Variants in TBC1D9 observed in about 807,000 individuals in gnomAD.
The protein encoded by TBC1D9 is TBC1 domain family member 9A.
TBC1D9 carries 63 observed loss-of-function variants against 132.0 expected under a neutral mutation model. The ratio of observed to expected loss-of-function variants is 0.48; its 90% CI spans 0.39 to 0.59. The LOEUF (loss-of-function observed/expected upper bound fraction) is 0.59, where lower values mean the gene tolerates loss of function less well. Ranked by LOEUF, TBC1D9 falls within the 20% of genes least tolerant of loss-of-function variation. The pLI is 0.00. For synonymous variants in TBC1D9, 610 were observed against 609.9 expected (o/e 1.00, Z 0.00); for missense variants, 1,261 against 1,592.7 (o/e 0.79, Z 3.54).
At chr4:140,704,546 G>C (rs1738122470) in intron 1 of TBC1D9, among the ~76,000 whole-genome samples, 3 of 151,982 alleles carry the variant, frequency 2.0e-5, no homozygotes, top group Admixed American at 2.0e-4. Flanking sequence ...TAATTGACTG[G>C]GCAGGGCAGA....
Position 140,706,570 on chromosome 4 carries a change from A to G in TBC1D9, c.131-4956T>C, listed in dbSNP as rs971609962. Among the ~76,000 whole-genome samples, 10 of 152,002 alleles carry G rather than the reference A, an allele frequency of 6.6e-5. No individual in the cohort carries two copies. Among genetic ancestry groups the G allele is most frequent in the African/African-American group, 2.4e-4 (10 of 41,390 alleles). On this transcript the variant is annotated intron_variant, in intron 1 of 20. Transcript: ENST00000442267. The surrounding 1 kb of genome is among the most constrained non-coding windows in gnomAD (Gnocchi z 4.0). ...CTTCCGATCTATTTTTTTTTTTAAC[A>G]GAAAGAAAAGGTAACAGCCACAGTG...
At chr4:140,670,976 T>C in intron 6 of TBC1D9, 50 bp from the exon 7 acceptor site, 2 of 1,502,388 alleles carry the variant, frequency 1.3e-6, no homozygotes, top group Non-Finnish European at 1.9e-6. Flanking sequence ...AATTACCCAA[T>C]AGCAGCCTAT....
intron 13 of TBC1D9, chr4:140,641,915 G>A (rs1737005102): frequency 9.5e-6 from 4 of 419,822 alleles, no homozygotes; most frequent in East Asian, 4.8e-5. Flanking sequence ...GCACTCTCTC[G>A]CTAGGAAACA....
chr4:140,681,329 T>C (rs1255542162), intron 3 of TBC1D9, among the ~76,000 whole-genome samples: 3 of 152,194 alleles, frequency 2.0e-5, no homozygotes, highest in Non-Finnish European at 2.9e-5. Context: ...TCCCCCCACA[T>C]GAAGTAATGT....
At chr4:140,750,190 A>G (rs928428402) in intron 1 of TBC1D9, among the ~76,000 whole-genome samples, 3 of 152,024 alleles carry the variant, frequency 2.0e-5, no homozygotes, top group African/African-American at 4.8e-5. Context: ...AAATCACCAT[A>G]CTTAACAATG....
chr4:140,651,633 T>C (rs1737188724), intron 13 of TBC1D9, among the ~76,000 whole-genome samples: 1 of 152,190 alleles, frequency 6.6e-6, no homozygotes, highest in Admixed American at 6.5e-5. Context: ...ATGCCGAAAC[T>C]CACCTTATCT....
intron 1 of TBC1D9, among the ~76,000 whole-genome samples, chr4:140,717,861 T>G (rs1252686469): frequency 1.3e-5 from 2 of 152,158 alleles, no homozygotes; most frequent in African/African-American, 4.8e-5. Flanking sequence ...TCTTTAAGTC[T>G]ACAGGTCACA....
intron 13 of TBC1D9, among the ~76,000 whole-genome samples, chr4:140,654,203 A>G (rs1737230168): frequency 6.6e-6 from 1 of 152,222 alleles, no homozygotes; most frequent in Non-Finnish European, 1.5e-5. Flanking sequence ...TCCTGACACC[A>G]AGTCCTGCCC....
At chr4:140,709,903 T>C (rs1321440099) in intron 1 of TBC1D9, among the ~76,000 whole-genome samples, 1 of 152,144 alleles carries the variant, frequency 6.6e-6, no homozygotes, top group African/African-American at 2.4e-5. Flanking sequence ...GCTCAAATGC[T>C]CCCTCACCTG....
chr4:140,739,993 T>C (rs1440432208), intron 1 of TBC1D9, among the ~76,000 whole-genome samples: 1 of 152,218 alleles, frequency 6.6e-6, no homozygotes, highest in Non-Finnish European at 1.5e-5. Context: ...CTGTCCAGCA[T>C]GCCTTAGAAT....
At chr4:140,720,622 C>T (rs1364638104) in intron 1 of TBC1D9, among the ~76,000 whole-genome samples, 1 of 152,174 alleles carries the variant, frequency 6.6e-6, no homozygotes, top group African/African-American at 2.4e-5. Context: ...GGCTGTGGCC[C>T]GTCAGGGCCA....
chr4:140,643,929 T>C, intron 13 of TBC1D9: 1 of 667,922 alleles, frequency 1.5e-6, no homozygotes, highest in South Asian at 1.4e-5. Flanking sequence ...TGCGGGGCGC[T>C]CGTCCACATC....
intron 1 of TBC1D9, among the ~76,000 whole-genome samples, chr4:140,721,495 T>G (rs989725289): frequency 6.6e-6 from 1 of 152,182 alleles, no homozygotes; most frequent in African/African-American, 2.4e-5. Flanking sequence ...CTCCAGAGCC[T>G]GTGGAGTGTC....
intron 13 of TBC1D9, chr4:140,644,326 G>A: frequency 3.6e-6 from 1 of 277,606 alleles, no homozygotes; most frequent in Non-Finnish European, 7.2e-6. Context: ...GAGTGGGGAG[G>A]CAGGCTGGTG....
At chr4:140,646,762 C>T (rs946999620) in intron 13 of TBC1D9, among the ~76,000 whole-genome samples, 2 of 152,286 alleles carry the variant, frequency 1.3e-5, no homozygotes, top group Admixed American at 1.3e-4. Flanking sequence ...GTTCCACCAG[C>T]AATGTGGTGA....
chr4:140,730,493 G>A (rs1578859695), intron 1 of TBC1D9, among the ~76,000 whole-genome samples: 1 of 152,120 alleles, frequency 6.6e-6, no homozygotes, highest in African/African-American at 2.4e-5. Context: ...TTGGGAGGCC[G>A]AGGCAGGCAG....
At chr4:140,668,342 C>T (rs1737480185) in intron 9 of TBC1D9, among the ~76,000 whole-genome samples, 1 of 152,166 alleles carries the variant, frequency 6.6e-6, no homozygotes, top group Non-Finnish European at 1.5e-5. Flanking sequence ...CCCCTTCTGT[C>T]CTTCCTGGCA....
chr4:140,657,080 C>G lies in TBC1D9; in HGVS notation c.2337+17G>C, dbSNP rs1310812062. 6.8e-6 allele frequency: 11 copies of G among 1,612,102 alleles called. No homozygotes were observed. Among genetic ancestry groups the G allele is most frequent in the African/African-American group, 1.3e-5 (1 of 74,906 alleles). On this transcript the variant is annotated intron_variant, in intron 13 of 20. Coordinates refer to ENST00000442267, the MANE Select transcript of TBC1D9 (RefSeq NM_015130.3). ...AATGCATGGTTAAGCCCTGCTCAGC[C>G]AGGAGACAAGACCTACCTCGTAGGA...
In TBC1D9 at chr4:140,645,459, G is replaced by A. The variant is rs1430582; in HGVS notation, c.2338-6031C>T. 2.5e-3 allele frequency: 1,045 copies of A among 411,162 alleles called. 2 individuals are homozygous for A. Among genetic ancestry groups the A allele is most frequent in the Non-Finnish European group, 4.1e-3 (864 of 208,446 alleles). 25.5% of individuals were successfully genotyped at this position (411,162 alleles called of 1,614,324 possible). ...CCTCTCTGGGTCGCGCTTCAGCTGC[G>A]GGCCCCTGCCCACTGCTATCATCTC... is the stretch of plus-strand genomic sequence containing the variant. On this transcript the variant is annotated intron_variant, in intron 13 of 20. Transcript: ENST00000442267.
Sources: allele counts gnomAD v4.1 joint callset (sites outside exome capture counted in the v4.1 genomes callset), GRCh38; gene constraint gnomAD v4.1.1; non-coding constraint Gnocchi (gnomAD v3.1); transcripts MANE v1.5; gene names NCBI Gene and HGNC (gene_info 2026-07-23, HGNC 2026-07-21).